The following CACNB2 variants were observed in gnomAD, a reference collection of about 807,000 sequenced individuals.
The protein encoded by CACNB2 is voltage-dependent L-type calcium channel subunit beta-2.
CACNB2 carries 42 observed loss-of-function variants against 73.3 expected under a neutral mutation model. That is an observed-to-expected ratio of 0.57 (90% confidence interval 0.45 to 0.74). The LOEUF is 0.74. Among genes scored for constraint, CACNB2 ranks in the 30% least tolerant of loss-of-function variants. CACNB2 has a pLI of 0.00. For missense variants in CACNB2, 940 were observed against 853.0 expected (o/e 1.10, Z -1.27); for synonymous variants, 348 against 310.3 (o/e 1.12, Z -1.28).
chr10:18,148,591 CA>C (rs958789929), intron 1 of CACNB2, among the ~76,000 whole-genome samples: 8 of 152,014 alleles, frequency 5.3e-5, no homozygotes, highest in African/African-American at 1.9e-4. Context: ...TAAGCAACCA[CA>C]AAAAAGCTTA....
intron 3 of CACNB2, among the ~76,000 whole-genome samples, chr10:18,416,736 G>A (rs963000763): frequency 6.6e-5 from 10 of 152,158 alleles, no homozygotes; most frequent in Admixed American, 3.3e-4. Context: ...TCAGCAAGCA[G>A]GAACTATAGC....
intron 2 of CACNB2, among the ~76,000 whole-genome samples, chr10:18,179,033 A>G (rs2131198456): frequency 6.6e-6 from 1 of 152,314 alleles, no homozygotes; most frequent in East Asian, 1.9e-4. Context: ...TCTGGGTGAG[A>G]TATTCACATA....
chr10:18,271,754 C>T (rs578010789), intron 2 of CACNB2, among the ~76,000 whole-genome samples: 1 of 152,292 alleles, frequency 6.6e-6, no homozygotes, highest in South Asian at 2.1e-4. Context: ...AGCCAGACTC[C>T]TGTGTGTGTT....
chr10:18,377,087 A>G (rs2042828655), intron 2 of CACNB2, among the ~76,000 whole-genome samples: 1 of 152,188 alleles, frequency 6.6e-6, no homozygotes, highest in African/African-American at 2.4e-5. Context: ...TATATATTGC[A>G]TGCCTGTATC....
intron 2 of CACNB2, among the ~76,000 whole-genome samples, chr10:18,201,698 A>G (rs1030942606): frequency 6.6e-5 from 10 of 152,190 alleles, no homozygotes; most frequent in African/African-American, 2.4e-4. Context: ...CTTGAACACT[A>G]ATTTCTTGAA....
chr10:18,317,443 G>C lies in CACNB2; in HGVS notation c.214-84481G>C, dbSNP rs116350991. 3.3e-3 allele frequency among the ~76,000 whole-genome samples: 505 copies of C among 152,096 alleles called. 2 individuals are homozygous for C. The highest frequency in any genetic ancestry group is 0.012 in the African/African-American group (481 of 41,482). ...TTCATTGTTCTCTTCTTTGTGTCCA[G>C]GTGTACCCAATGTTTAGCTCCCACT... On this transcript the variant is annotated intron_variant, in intron 2 of 13. Coordinates refer to ENST00000324631, the MANE Select transcript of CACNB2 (RefSeq NM_201596.3).
chr10:18,364,020 T>C (rs970877471), intron 2 of CACNB2, among the ~76,000 whole-genome samples: 2 of 150,894 alleles, frequency 1.3e-5, no homozygotes, highest in Non-Finnish European at 2.9e-5. Flanking sequence ...CAATCTAAGC[T>C]CACTGAAACC....
chr10:18,225,750 C>A (rs1024360334), intron 2 of CACNB2, among the ~76,000 whole-genome samples: 2 of 152,000 alleles, frequency 1.3e-5, no homozygotes, highest in Non-Finnish European at 2.9e-5. Context: ...AATGATCTTC[C>A]CACCTCAGTC....
At chr10:18,479,695 C>T (rs2048622028) in intron 3 of CACNB2, among the ~76,000 whole-genome samples, 1 of 113,100 alleles carries the variant, frequency 8.8e-6, no homozygotes, top group Non-Finnish European at 1.9e-5. Context: ...GTGTCTCTCT[C>T]TCTCGCTCGC....
At chr10:18,191,478 T>C (rs1343417276) in intron 2 of CACNB2, among the ~76,000 whole-genome samples, 2 of 152,006 alleles carry the variant, frequency 1.3e-5, no homozygotes, top group African/African-American at 4.8e-5. Context: ...GGGGTACAGG[T>C]GGTATTTGGT....
chr10:18,502,713 A>AC (rs1487229652), intron 5 of CACNB2, among the ~76,000 whole-genome samples: 8 of 117,206 alleles, frequency 6.8e-5, no homozygotes, highest in Admixed American at 9.7e-5. Context: ...AAAAAAAAAA[A>AC]AAAAAAAAAA....
At chr10:18,406,908 T>C (rs894569135) in intron 3 of CACNB2, among the ~76,000 whole-genome samples, 1 of 151,950 alleles carries the variant, frequency 6.6e-6, no homozygotes, top group Non-Finnish European at 1.5e-5. Context: ...TGGAATACAG[T>C]GTATGCGACG....
intron 2 of CACNB2, among the ~76,000 whole-genome samples, chr10:18,157,049 C>T (rs913627567): frequency 7.9e-5 from 11 of 139,072 alleles, no homozygotes; most frequent in South Asian, 2.2e-4. Flanking sequence ...GCAACAAGAA[C>T]GAAACTTTGT....
Position 18,257,322 on chromosome 10 carries a change from T to C in CACNB2, c.213+106347T>C, listed in dbSNP as rs1256853280. On this transcript the variant is annotated intron_variant, in intron 2 of 13. Transcript: ENST00000324631. Reference sequence around the variant, plus strand: ...AGCAGCCGATGTCTGTCTCTATTACTGTAAATGAAGTAAAGAATGGATCAG... The same window carrying C: ...AGCAGCCGATGTCTGTCTCTATTACCGTAAATGAAGTAAAGAATGGATCAG... 2.6e-5 allele frequency: 4 copies of C among 152,204 alleles called. No individual in the cohort carries two copies. The East Asian group carries it at 7.7e-4, about 29-fold the overall frequency. 9.4% of individuals were successfully genotyped at this position (152,204 alleles called of 1,614,324 possible).
intron 2 of CACNB2, among the ~76,000 whole-genome samples, chr10:18,345,766 A>G (rs2041424251): frequency 6.6e-6 from 1 of 152,226 alleles, no homozygotes; most frequent in Non-Finnish European, 1.5e-5. Flanking sequence ...GAGTATTCGC[A>G]TAATTAGAAA....
At chr10:18,493,621 G>A (rs1564614796) in intron 3 of CACNB2, among the ~76,000 whole-genome samples, 1 of 152,102 alleles carries the variant, frequency 6.6e-6, no homozygotes, top group Non-Finnish European at 1.5e-5. Context: ...AAAGAATGGC[G>A]CTCTTACCCT....
chr10:18,474,653 C>T (rs1408986235), intron 3 of CACNB2, among the ~76,000 whole-genome samples: 1 of 152,118 alleles, frequency 6.6e-6, no homozygotes, highest in East Asian at 1.9e-4. Context: ...GAGAAAGATG[C>T]AACTCAATGT....
intron 3 of CACNB2, among the ~76,000 whole-genome samples, chr10:18,449,201 G>A (rs1039305868): frequency 1.1e-4 from 17 of 152,062 alleles, no homozygotes; most frequent in African/African-American, 3.9e-4. Flanking sequence ...TGGCTAACAC[G>A]GTGAAACCCC....
At chr10:18,239,984 G>A (rs2036586181) in intron 2 of CACNB2, among the ~76,000 whole-genome samples, 1 of 152,114 alleles carries the variant, frequency 6.6e-6, no homozygotes, top group African/African-American at 2.4e-5. Flanking sequence ...GCAGATAGCT[G>A]CCTCTCTGCC....
Sources: gnomAD v4.1 joint callset for allele counts (sites outside exome capture counted in the v4.1 genomes callset) on GRCh38, gnomAD v4.1.1 for gene constraint, MANE v1.5 for transcripts, NCBI Gene and HGNC (gene_info 2026-07-23, HGNC 2026-07-21) for gene names.